Variants in USP33 observed in about 807,000 individuals in gnomAD.
USP33 encodes the protein ubiquitin carboxyl-terminal hydrolase 33.
In USP33, 46 loss-of-function variants were observed where a neutral mutation model predicts 124.2. The ratio of observed to expected loss-of-function variants is 0.37; its 90% CI spans 0.29 to 0.47. The LOEUF (loss-of-function observed/expected upper bound fraction) is 0.47, where lower values mean the gene tolerates loss of function less well. Ranked by LOEUF, USP33 falls within the 20% of genes least tolerant of loss-of-function variation. USP33 has a pLI of 0.99. For synonymous variants in USP33, 350 were observed against 352.3 expected, an observed-to-expected ratio of 0.99 and a Z score of 0.07; for missense variants, 851 against 1,070.6, an observed-to-expected ratio of 0.79 and a Z score of 2.86.
At chr1:77,751,389 G>A (rs537472390) in intron 1 of USP33, among the ~76,000 whole-genome samples, 8 of 152,136 alleles carry the variant, frequency 5.3e-5, no homozygotes, top group African/African-American at 1.2e-4. Flanking sequence ...ATGGTGGCTC[G>A]CACCTGTAAT....
chr1:77,738,727 G>A (rs976581435), intron 5 of USP33, among the ~76,000 whole-genome samples: 3 of 152,102 alleles, frequency 2.0e-5, no homozygotes, highest in Admixed American at 6.6e-5. Flanking sequence ...TGATCCAGCC[G>A]CCTTGGCCTC....
chr1:77,713,285 A>C lies in USP33; in HGVS notation c.2216-4T>G, dbSNP rs373860220. 2.9e-4 allele frequency: 452 copies of C among 1,569,644 alleles called. No individual in the cohort carries two copies. Among genetic ancestry groups the C allele is most frequent in the Non-Finnish European group, 3.8e-4 (440 of 1,166,192 alleles). On this transcript the variant is annotated splice_region_variant and splice_polypyrimidine_tract_variant and intron_variant, in intron 19 of 23. Transcript: ENST00000370794. ...CCAGCTTTTCTTGGAGGAACACCTA[A>C]AAAAATATATAAACATATCTGTTTC...
At chr1:77,726,967 T>C (rs939156254) in intron 10 of USP33, among the ~76,000 whole-genome samples, 2 of 152,176 alleles carry the variant, frequency 1.3e-5, no homozygotes, top group Admixed American at 1.3e-4. Context: ...GAAAAGAGAA[T>C]TGTTCGTAAG....
At chr1:77,729,743 G>T in intron 9 of USP33, 117 bp downstream of exon 9, 1 of 881,410 alleles carries the variant, frequency 1.1e-6, no homozygotes, top group African/African-American at 1.7e-5. Context: ...ACTATTCTTG[G>T]CAAAAGAAAG....
intron 22 of USP33, among the ~76,000 whole-genome samples, chr1:77,698,262 T>C (rs1673622272): frequency 1.4e-5 from 2 of 146,478 alleles, no homozygotes; most frequent in African/African-American, 2.5e-5. Flanking sequence ...TTAGTAGAGA[T>C]GGGAGTTTCA....
intron 3 of USP33, 54 bp downstream of exon 3, chr1:77,741,322 G>T: frequency 6.6e-7 from 1 of 1,520,374 alleles, no homozygotes; most frequent in Non-Finnish European, 8.8e-7. Context: ...TGATTATTCA[G>T]ATCCAAATTT....
In USP33 at chr1:77,725,648, G is replaced by A. The variant is rs777642714; in HGVS notation, c.1250C>T (p.Pro417Leu). Reference protein sequence around the residue: ...ASPPKSGNLWPGLAPPHKKAQ... With the variant: ...ASPPKSGNLWLGLAPPHKKAQ... Reference sequence around the variant, plus strand: ...TTTTTTGTGTGGTGGTGCCAATCCTGGCCACAAATTGCCTGATTTAGGAGG... The same window carrying A: ...TTTTTTGTGTGGTGGTGCCAATCCTAGCCACAAATTGCCTGATTTAGGAGG... The change falls in exon 11 of 24, where the codon CCA (proline) becomes CTA (leucine). Residue 417 changes from proline (P) to leucine (L), a missense_variant. By Grantham distance (98) the Pro-to-Leu change is moderately conservative. Coordinates refer to ENST00000370794, the MANE Select transcript of USP33 (RefSeq NM_201624.3). The A allele has an allele frequency of 6.2e-6, 10 of 1,614,064 alleles. No homozygotes were observed. In the South Asian group the frequency reaches 9.9e-5, roughly 16 times the overall value.
intron 21 of USP33, among the ~76,000 whole-genome samples, chr1:77,709,660 CTA>C (rs1241706676): frequency 2.0e-5 from 3 of 149,520 alleles, no homozygotes; most frequent in African/African-American, 2.5e-5. Flanking sequence ...CTAGATAGAT[CTA>C]TATATATATA....
chr1:77,729,365 C>T (rs1285844547), intron 9 of USP33, among the ~76,000 whole-genome samples: 1 of 140,196 alleles, frequency 7.1e-6, no homozygotes, highest in Non-Finnish European at 1.5e-5. Flanking sequence ...GACATTATCT[C>T]TCTTAAAAAA....
At chr1:77,756,823 A>C (rs935493749) in intron 1 of USP33, among the ~76,000 whole-genome samples, 1 of 152,212 alleles carries the variant, frequency 6.6e-6, no homozygotes, top group African/African-American at 2.4e-5. Context: ...ACTTCAGAGA[A>C]ACCATAAGGG....
chr1:77,707,169 A>G (rs79302605), intron 21 of USP33, among the ~76,000 whole-genome samples: 6,261 of 152,324 alleles, frequency 0.041, 156 homozygotes, highest in Middle Eastern at 0.078. Flanking sequence ...GAGGGATGCT[A>G]TAACAAAATG....
intron 1 of USP33, among the ~76,000 whole-genome samples, chr1:77,756,105 C>CT (rs1680778033): frequency 6.6e-6 from 1 of 152,144 alleles, no homozygotes; most frequent in Admixed American, 6.5e-5. Flanking sequence ...TCCCTCCTTA[C>CT]TTTTTTCATT....
At chr1:77,748,399 G>A (rs1679942706) in intron 1 of USP33, among the ~76,000 whole-genome samples, 1 of 152,038 alleles carries the variant, frequency 6.6e-6, no homozygotes, top group Non-Finnish European at 1.5e-5. Flanking sequence ...GGCTGGGCAT[G>A]GTAGCTCACA....
chr1:77,748,741 A>G (rs894477276), intron 1 of USP33, among the ~76,000 whole-genome samples: 1 of 148,294 alleles, frequency 6.7e-6, no homozygotes, highest in Non-Finnish European at 1.5e-5. Flanking sequence ...ATTTCTGGGC[A>G]TAAGTGAGAC....
At chr1:77,721,786 T>C in intron 14 of USP33, 45 bp downstream of exon 14, 3 of 1,538,270 alleles carry the variant, frequency 2.0e-6, no homozygotes, top group Non-Finnish European at 2.6e-6. Flanking sequence ...ACTAGTATTT[T>C]AGATTTACCT....
intron 1 of USP33, among the ~76,000 whole-genome samples, chr1:77,747,048 C>T (rs998044700): frequency 6.6e-6 from 1 of 151,974 alleles, no homozygotes; most frequent in African/African-American, 2.4e-5. Context: ...GGTCCATAAC[C>T]TCTTCTTTTA....
Position 77,740,465 on chromosome 1 carries a change from T to C in USP33, c.198+412A>G, listed in dbSNP as rs535421922. Among the ~76,000 whole-genome samples, 16 of 152,170 alleles carry C rather than the reference T, an allele frequency of 1.1e-4. No individual in the cohort carries two copies. In the South Asian group the frequency reaches 1.9e-3, roughly 18 times the overall value. On this transcript the variant is annotated intron_variant, in intron 4 of 23. Coordinates refer to ENST00000370794, the MANE Select transcript of USP33 (RefSeq NM_201624.3). ...GCCTCCCAGGTTCAAACAATTCTCC[T>C]GCCTCAGCCTCCCGAGTAGCTGGGA... is the stretch of plus-strand genomic sequence containing the variant.
rs987883320 is a variant in USP33, at chr1:77,697,677, TAAC to T, written c.2578+183_2578+185del. The T allele has an allele frequency of 3.4e-6, 3 of 894,976 alleles. No homozygotes were observed. In the African/African-American group the frequency reaches 5.1e-5, roughly 15 times the overall value. The allele number at this position is 894,976 out of a possible 1,614,324, so 55.4% of individuals were successfully genotyped here. ...GTCAGAGATGCTTTTGCTTTGCTCT[TAAC>T]AACAGCCTTAAGACCTTTCCTCAGA... On this transcript the variant is annotated intron_variant, in intron 23 of 23. Coordinates refer to ENST00000370794, the MANE Select transcript of USP33 (RefSeq NM_201624.3).
intron 12 of USP33, 113 bp downstream of exon 12, chr1:77,723,218 T>C: frequency 4.9e-6 from 4 of 816,060 alleles, no homozygotes; most frequent in South Asian, 1.6e-5. Flanking sequence ...AATAAATGCA[T>C]GTATGCTCAT....
Sources: allele counts gnomAD v4.1 joint callset (sites outside exome capture counted in the v4.1 genomes callset), GRCh38; gene constraint gnomAD v4.1.1; transcripts MANE v1.5; gene names NCBI Gene and HGNC (gene_info 2026-07-23, HGNC 2026-07-21).